NPAS2: variants seen among roughly 807,000 people sequenced by gnomAD.
NPAS2 encodes neuronal PAS domain protein 2.
Under a neutral mutation model 107.5 loss-of-function variants are expected in NPAS2, and 23 were observed. The ratio of observed to expected loss-of-function variants is 0.21; its 90% CI spans 0.15 to 0.30. The LOEUF is 0.30. NPAS2 is among the 10% of genes least tolerant of loss of function. NPAS2 has a pLI of 1.00. For missense variants in NPAS2, 756 were observed against 1,043.3 expected, an observed-to-expected ratio of 0.72 and a Z score of 3.79; for synonymous variants, 403 against 417.5, an observed-to-expected ratio of 0.97 and a Z score of 0.42.
At chr2:100,995,369 C>A in intron 20 of NPAS2, 31 bp from the exon 21 acceptor site, 1 of 1,588,402 alleles carries the variant, frequency 6.3e-7, no homozygotes, top group Non-Finnish European at 8.6e-7. Flanking sequence ...ATCAGAACCA[C>A]CTCTGAAGCC....
chr2:100,927,635 G>A (rs1683668317), intron 3 of NPAS2, among the ~76,000 whole-genome samples: 1 of 152,196 alleles, frequency 6.6e-6, no homozygotes, highest in African/African-American at 2.4e-5. Context: ...ATGTTTATGA[G>A]ATTCCTCCCA....
intron 5 of NPAS2, among the ~76,000 whole-genome samples, chr2:100,938,218 G>A (rs1684458517): frequency 6.6e-6 from 1 of 152,208 alleles, no homozygotes; most frequent in Non-Finnish European, 1.5e-5. Flanking sequence ...TCAAGGGAGA[G>A]GACAACAGAT....
At chr2:100,859,089 A>T (rs1678770960) in intron 1 of NPAS2, among the ~76,000 whole-genome samples, 1 of 152,206 alleles carries the variant, frequency 6.6e-6, no homozygotes, top group Non-Finnish European at 1.5e-5. Flanking sequence ...ACAAGGCGAA[A>T]CCCTGTATCT....
chr2:100,859,777 G>A (rs559443334), intron 1 of NPAS2, among the ~76,000 whole-genome samples: 8 of 152,238 alleles, frequency 5.3e-5, no homozygotes, highest in Non-Finnish European at 1.0e-4. Context: ...TTGGTTGGTT[G>A]GTGTTAACTT....
At chr2:100,904,696 T>A (rs750391266) in intron 1 of NPAS2, 37 bp from the exon 2 acceptor site, 41 of 1,364,808 alleles carry the variant, frequency 3.0e-5, no homozygotes, top group Non-Finnish European at 4.1e-5. Flanking sequence ...AGACAGTAAT[T>A]ATCCATTCTT....
intron 12 of NPAS2, among the ~76,000 whole-genome samples, chr2:100,974,404 A>G (rs1043625748): frequency 6.6e-6 from 1 of 152,204 alleles, no homozygotes; most frequent in East Asian, 1.9e-4. Context: ...AGGAAGGTCC[A>G]AAGGCACCTG....
At chr2:100,831,977 C>T (rs1676769601) in intron 1 of NPAS2, among the ~76,000 whole-genome samples, 1 of 152,106 alleles carries the variant, frequency 6.6e-6, no homozygotes, top group African/African-American at 2.4e-5. Context: ...TCTCAGCTGC[C>T]AGGGCCCCAA....
chr2:100,974,041 C>T (rs1456040593), intron 12 of NPAS2, among the ~76,000 whole-genome samples: 1 of 152,056 alleles, frequency 6.6e-6, no homozygotes, highest in Non-Finnish European at 1.5e-5. Flanking sequence ...GATGTTTCAC[C>T]ATGTTGGCCA....
chr2:100,990,644 C>A, intron 18 of NPAS2, 136 bp from the exon 19 acceptor site: 1 of 1,013,998 alleles, frequency 9.9e-7, no homozygotes, highest in Non-Finnish European at 1.5e-6. Context: ...CCATCATCCT[C>A]AGAGAATGAA....
At chr2:100,884,280 C>G (rs1178145647) in intron 1 of NPAS2, among the ~76,000 whole-genome samples, 4 of 152,112 alleles carry the variant, frequency 2.6e-5, no homozygotes, top group Non-Finnish European at 5.9e-5. Flanking sequence ...CATCTCCTCC[C>G]GTTGACCATA....
At chr2:100,883,515 A>C (rs1680506374) in intron 1 of NPAS2, among the ~76,000 whole-genome samples, 1 of 152,118 alleles carries the variant, frequency 6.6e-6, no homozygotes, top group African/African-American at 2.4e-5. Flanking sequence ...CTGCAGATTT[A>C]TGTGCCCACT....
intron 1 of NPAS2, among the ~76,000 whole-genome samples, chr2:100,846,141 G>A (rs2104447753): frequency 6.6e-6 from 1 of 152,280 alleles, no homozygotes; most frequent in Non-Finnish European, 1.5e-5. Context: ...TGAAGGTCAT[G>A]CCCCTCCCCC....
In NPAS2 at chr2:100,872,860, G is replaced by A. The variant is rs191549666; in HGVS notation, c.-22-31873G>A. Reference sequence around the variant, plus strand: ...CCCTAACCCCCTACCACCTTGGTGCGTCTGTGGCATCCTGAGATCCTATTT... The same window carrying A: ...CCCTAACCCCCTACCACCTTGGTGCATCTGTGGCATCCTGAGATCCTATTT... On this transcript the variant is annotated intron_variant, in intron 1 of 20. Coordinates refer to ENST00000335681, the MANE Select transcript of NPAS2 (RefSeq NM_002518.4). Among the ~76,000 whole-genome samples, 74 of 152,202 alleles carry A rather than the reference G, an allele frequency of 4.9e-4. 2 individuals are homozygous for A. The East Asian group carries it at 9.5e-3, about 20-fold the overall frequency.
intron 3 of NPAS2, among the ~76,000 whole-genome samples, chr2:100,927,672 T>G (rs1683669949): frequency 6.6e-6 from 1 of 152,246 alleles, no homozygotes; most frequent in Non-Finnish European, 1.5e-5. Flanking sequence ...GCTAGTTCCC[T>G]TTCATTAGTG....
intron 4 of NPAS2, chr2:100,934,831 C>A: frequency 1.0e-6 from 1 of 985,464 alleles, no homozygotes; most frequent in Non-Finnish European, 1.2e-6. Context: ...GGTCTCTCTC[C>A]AGCTGCCCAT....
chr2:100,824,093 A>T (rs1174199571), intron 1 of NPAS2, among the ~76,000 whole-genome samples: 2 of 152,182 alleles, frequency 1.3e-5, no homozygotes, highest in Non-Finnish European at 2.9e-5. Flanking sequence ...AACAAAAGTG[A>T]TTGCTTTTAT....
chr2:100,907,110 C>T (rs1682202544), intron 2 of NPAS2, among the ~76,000 whole-genome samples: 1 of 152,122 alleles, frequency 6.6e-6, no homozygotes, highest in African/African-American at 2.4e-5. Context: ...ACCCTCCAAA[C>T]CCCTTCTAGT....
At position 100,912,373 on chromosome 2, in the gene NPAS2, A is replaced by G. The variant is rs544165140; in HGVS notation, c.32+7587A>G. ...CTAGTGACCCCAGGTAAGATATGCC[A>G]GAATTCCCCGTCTGGAAGGAACTTG... On this transcript the variant is annotated intron_variant, in intron 2 of 20. Transcript: ENST00000335681. 2.6e-5 allele frequency among the ~76,000 whole-genome samples: 4 copies of G among 152,284 alleles called. No homozygotes were observed. The East Asian group carries it at 7.7e-4, about 29-fold the overall frequency.
At chr2:100,901,974 G>T (rs1289914475) in intron 1 of NPAS2, among the ~76,000 whole-genome samples, 1 of 151,998 alleles carries the variant, frequency 6.6e-6, no homozygotes, top group Non-Finnish European at 1.5e-5. Flanking sequence ...CACTCTGGGG[G>T]TTCATCACCT....
Sources: allele counts gnomAD v4.1 joint callset (sites outside exome capture counted in the v4.1 genomes callset), GRCh38; gene constraint gnomAD v4.1.1; transcripts MANE v1.5; gene names NCBI Gene and HGNC (gene_info 2026-07-23, HGNC 2026-07-21).